Variants in B3GLCT observed in about 807,000 individuals in gnomAD.
B3GLCT encodes the protein beta 3-glucosyltransferase.
B3GLCT carries 65 observed loss-of-function variants against 63.4 expected under a neutral mutation model. The observed-to-expected ratio is 1.03, with a 90% confidence interval of 0.84 to 1.26. The LOEUF is 1.26. B3GLCT is among the 50% of genes most tolerant of loss of function. The pLI is 0.00. For synonymous variants in B3GLCT, 233 were observed against 219.2 expected (o/e 1.06, Z -0.55); for missense variants, 577 against 604.8 (o/e 0.95, Z 0.48).
intron 6 of B3GLCT, among the ~76,000 whole-genome samples, chr13:31,252,742 CTT>C (rs1394220800): frequency 1.3e-5 from 2 of 152,164 alleles, no homozygotes; most frequent in Admixed American, 6.5e-5. Context: ...TACACAGAGA[CTT>C]AGACTCCCAC....
chr13:31,289,418 A>T (rs1873528682), intron 12 of B3GLCT, among the ~76,000 whole-genome samples: 1 of 152,148 alleles, frequency 6.6e-6, no homozygotes, highest in East Asian at 1.9e-4. Flanking sequence ...AAATACATTG[A>T]AAAAAGGACT....
intron 3 of B3GLCT, among the ~76,000 whole-genome samples, chr13:31,226,041 G>C (rs1870085844): frequency 6.6e-6 from 1 of 152,162 alleles, no homozygotes; most frequent in African/African-American, 2.4e-5. Context: ...CACAGGCTGT[G>C]GGCTCTGTGG....
chr13:31,235,901 A>G (rs894428135), intron 4 of B3GLCT, among the ~76,000 whole-genome samples: 4 of 152,184 alleles, frequency 2.6e-5, no homozygotes, highest in Admixed American at 6.5e-5. Flanking sequence ...TTTCTCGAAG[A>G]GTGGAGTCAT....
intron 4 of B3GLCT, among the ~76,000 whole-genome samples, chr13:31,245,335 T>A (rs1871149251): frequency 6.6e-6 from 1 of 152,212 alleles, no homozygotes; most frequent in East Asian, 1.9e-4. Flanking sequence ...CTAGGAAGTA[T>A]AATACTTGTT....
chr13:31,208,573 A>G (rs879260236), intron 1 of B3GLCT, among the ~76,000 whole-genome samples: 1 of 46,598 alleles, frequency 2.1e-5, no homozygotes, highest in Non-Finnish European at 4.9e-5. Context: ...CTCACCCCCC[A>G]CCCGGGTGCT....
At chr13:31,219,569 A>G (rs1178481446) in intron 2 of B3GLCT, among the ~76,000 whole-genome samples, 3 of 152,170 alleles carry the variant, frequency 2.0e-5, no homozygotes, top group Non-Finnish European at 4.4e-5. Flanking sequence ...CAAAGTGTTG[A>G]AGTTCATCTC....
intron 12 of B3GLCT, among the ~76,000 whole-genome samples, chr13:31,291,679 T>C (rs1468098118): frequency 6.6e-6 from 1 of 152,236 alleles, no homozygotes; most frequent in Non-Finnish European, 1.5e-5. Flanking sequence ...ATCCTGAGAC[T>C]TTGCTGAAGT....
At position 31,229,735 on chromosome 13, in the gene B3GLCT, G is replaced by C. The variant is rs189363387; in HGVS notation, c.270+441G>C. Among the ~76,000 whole-genome samples, 6 of 149,818 alleles carry C rather than the reference G, an allele frequency of 4.0e-5. No individual in the cohort carries two copies. The East Asian group carries it at 9.7e-4, about 24-fold the overall frequency. ...CACTCCAGCCTGGGTGACAGAGTGG[G>C]ACTCCTCTGTCTCAAAAAAAAAAAA... is the stretch of plus-strand genomic sequence containing the variant. On this transcript the variant is annotated intron_variant, in intron 4 of 14. Coordinates refer to ENST00000343307, the MANE Select transcript of B3GLCT (RefSeq NM_194318.4).
intron 4 of B3GLCT, 92 bp from the exon 5 acceptor site, chr13:31,246,931 T>TTTTTCTTTTC: frequency 1.0e-6 from 1 of 976,846 alleles, no homozygotes; most frequent in Non-Finnish European, 1.5e-6. Flanking sequence ...CTTTTTTTCT[T>TTTTTCTTTTC]TTTTCTTTTC....
intron 10 of B3GLCT, among the ~76,000 whole-genome samples, chr13:31,278,198 A>AT (rs1225495800): frequency 1.3e-5 from 2 of 151,814 alleles, no homozygotes; most frequent in Non-Finnish European, 2.9e-5. Flanking sequence ...TTTGAAACAC[A>AT]TTTTTCAGGT....
rs1869285550 is a variant in B3GLCT at position 31,212,018 on chromosome 13, T to C, written c.71-3033T>C. On this transcript the variant is annotated intron_variant, in intron 1 of 14. Transcript: ENST00000343307. ...TGGACCTGTTACATTAAGAAAGTTA[T>C]CTTATTTGATTAAAGAGGAAATTGT... is the stretch of plus-strand genomic sequence containing the variant. 6.6e-5 allele frequency among the ~76,000 whole-genome samples: 10 copies of C among 152,312 alleles called. No individual in the cohort carries two copies. The South Asian group carries it at 1.9e-3, about 28-fold the overall frequency.
intron 14 of B3GLCT, among the ~76,000 whole-genome samples, chr13:31,327,141 A>G (rs1026030109): frequency 1.3e-5 from 2 of 152,160 alleles, no homozygotes; most frequent in Admixed American, 1.3e-4. Flanking sequence ...TTTTTCTTAT[A>G]TTTTACATAC....
At chr13:31,272,161 G>A (rs549799620) in intron 8 of B3GLCT, among the ~76,000 whole-genome samples, 8 of 150,726 alleles carry the variant, frequency 5.3e-5, no homozygotes, top group Non-Finnish European at 8.9e-5. Flanking sequence ...TGTAATTACT[G>A]ATATATTTGA....
chr13:31,261,108 G>T, intron 7 of B3GLCT, 26 bp downstream of exon 7: 1 of 1,594,584 alleles, frequency 6.3e-7, no homozygotes, highest in South Asian at 1.1e-5. Flanking sequence ...AATTTTTTCG[G>T]GGGGCGGGAG....
intron 7 of B3GLCT, among the ~76,000 whole-genome samples, chr13:31,268,187 A>C (rs1312592658): frequency 6.6e-6 from 1 of 152,148 alleles, no homozygotes; most frequent in Non-Finnish European, 1.5e-5. Context: ...TAGTGAAACT[A>C]TGTATTAGGA....
chr13:31,275,096 C>A (rs1362290540), intron 9 of B3GLCT, among the ~76,000 whole-genome samples: 1 of 152,276 alleles, frequency 6.6e-6, no homozygotes, highest in East Asian at 1.9e-4. Context: ...TTTATTCAGT[C>A]CACCATTAAT....
At chr13:31,202,323 A>G (rs1868714291) in intron 1 of B3GLCT, among the ~76,000 whole-genome samples, 1 of 152,224 alleles carries the variant, frequency 6.6e-6, no homozygotes, top group Non-Finnish European at 1.5e-5. Context: ...CACCAGTTTC[A>G]GAATGAGAAG....
intron 13 of B3GLCT, among the ~76,000 whole-genome samples, chr13:31,320,274 T>G (rs1290717138): frequency 1.3e-5 from 2 of 152,232 alleles, no homozygotes; most frequent in Non-Finnish European, 2.9e-5. Context: ...CATTTAGATT[T>G]TAACAAGAGT....
chr13:31,301,655 G>A (rs1256318400), intron 12 of B3GLCT, among the ~76,000 whole-genome samples: 23 of 152,120 alleles, frequency 1.5e-4, no homozygotes. Context: ...GTCCCACCAG[G>A]AGACCCTGGC....
Sources: allele counts gnomAD v4.1 joint callset (sites outside exome capture counted in the v4.1 genomes callset), GRCh38; gene constraint gnomAD v4.1.1; transcripts MANE v1.5; gene names NCBI Gene and HGNC (gene_info 2026-07-23, HGNC 2026-07-21).